CD8B2: variants seen among roughly 807,000 people sequenced by gnomAD.
The protein encoded by CD8B2 is T-cell surface glycoprotein CD8 beta-2 chain.
Under a neutral mutation model 23.7 loss-of-function variants are expected in CD8B2, and 11 were observed. That is an observed-to-expected ratio of 0.46 (90% CI 0.29 to 0.77). CD8B2 has a LOEUF of 0.77. Among genes scored for constraint, CD8B2 ranks in the 30% least tolerant of loss-of-function variants. The probability of loss-of-function intolerance (pLI) is 0.09; values close to 1 mark genes in which losing one functional copy is unlikely to be tolerated. For synonymous variants in CD8B2, 90 were observed against 109.3 expected (o/e 0.82, Z 1.10); for missense variants, 197 against 270.5 (o/e 0.73, Z 1.91).
At position 106,510,259 on chromosome 2, in the gene CD8B2, C is replaced by T. The variant is rs188267672; in HGVS notation, c.*3319C>T. On this transcript the variant is annotated 3_prime_UTR_variant, in exon 6 of 6. Coordinates refer to ENST00000643224, the MANE Select transcript of CD8B2 (RefSeq NM_001349727.2). ...TTTGAAGGTGAGCGTTTCTGCTTCT[C>T]AATCTGGGAATCACTTATATGAGTG... 11 of 152,284 alleles carry T rather than the reference C, an allele frequency of 7.2e-5. No individual in the cohort carries two copies. In the East Asian group the frequency reaches 2.1e-3, roughly 29 times the overall value. The allele number at this position is 152,284 out of a possible 1,614,324, so 9.4% of individuals were successfully genotyped here. A position where few individuals can be genotyped will look rare whatever the true frequency, so the allele number is the denominator to read the frequency against.
chr2:106,502,272 G>A, intron 3 of CD8B2, among the ~76,000 whole-genome samples: 1 of 122,392 alleles, frequency 8.2e-6, no homozygotes, highest in Admixed American at 1.0e-4. Flanking sequence ...TCCGGCCTGG[G>A]TGACAGAGCA....
At chr2:106,496,331 C>T (rs1405192234) in intron 3 of CD8B2, 69 bp downstream of exon 3, 42 of 1,336,044 alleles carry the variant, frequency 3.1e-5, no homozygotes, top group Non-Finnish European at 4.3e-5. Flanking sequence ...TCCCTCCCCT[C>T]CTTCCTTCCC....
At position 106,540,464 on chromosome 2, in the gene CD8B2, C is replaced by A. The variant is rs188271741; in HGVS notation, c.621-3528C>A. On this transcript the variant is annotated intron_variant, in intron 5 of 5. Coordinates refer to the CD8B2 transcript ENST00000416057. ...AGTACCACTCCCTCATTTAGCAAGTCGGCTTGTTGTTCTGGGTGAGCCAAG... is the reference window on the plus strand; with the variant it reads ...AGTACCACTCCCTCATTTAGCAAGTAGGCTTGTTGTTCTGGGTGAGCCAAG... Among the ~76,000 whole-genome samples, 33 of 152,164 alleles carry A rather than the reference C, an allele frequency of 2.2e-4. 1 individual carries two copies. The highest frequency in any genetic ancestry group is 4.3e-4 in the Non-Finnish European group (29 of 68,044).
At chr2:106,495,587 G>T (rs1285280910) in intron 2 of CD8B2, among the ~76,000 whole-genome samples, 2 of 151,812 alleles carry the variant, frequency 1.3e-5, no homozygotes, top group South Asian at 2.1e-4. Flanking sequence ...AGAGGTGTAG[G>T]CTCTGCTCAG....
intron 5 of CD8B2, among the ~76,000 whole-genome samples, chr2:106,522,769 G>T (rs182154988): frequency 6.6e-6 from 1 of 152,154 alleles, no homozygotes; most frequent in African/African-American, 2.4e-5. Flanking sequence ...AGCAGTTAAT[G>T]TAGAATTATG....
chr2:106,514,512 C>T (rs1466814678), downstream of CD8B2, among the ~76,000 whole-genome samples: 2 of 151,818 alleles, frequency 1.3e-5, no homozygotes, highest in Admixed American at 6.6e-5. Context: ...TGGTCTCGAA[C>T]TCCTGACCTC....
chr2:106,525,981 C>T lies in CD8B2; in HGVS notation c.621-18011C>T, dbSNP rs149971248. 3.9e-3 allele frequency among the ~76,000 whole-genome samples: 590 copies of T among 152,336 alleles called. 3 individuals carry two copies. Among genetic ancestry groups the T allele is most frequent in the African/African-American group, 0.013 (547 of 41,580 alleles). On this transcript the variant is annotated intron_variant, in intron 5 of 5. Transcript: ENST00000416057. ...ACTTGGCCCGGCGTGGTGGCTTACG[C>T]CTGTAATTCCAGGACTTTGGGAGGC...
intron 5 of CD8B2, among the ~76,000 whole-genome samples, chr2:106,530,059 T>C (rs1679970012): frequency 6.6e-6 from 1 of 152,208 alleles, no homozygotes; most frequent in Admixed American, 6.5e-5. Flanking sequence ...GAATGGGTTG[T>C]AGGAACAGAA....
intron 3 of CD8B2, among the ~76,000 whole-genome samples, chr2:106,498,025 T>G (rs1393532191): frequency 6.6e-6 from 1 of 152,192 alleles, no homozygotes; most frequent in African/African-American, 2.4e-5. Context: ...CACTAAATTC[T>G]AGAAGCAATC....
chr2:106,522,633 G>A (rs948458761), intron 5 of CD8B2, among the ~76,000 whole-genome samples: 3 of 152,158 alleles, frequency 2.0e-5, no homozygotes, highest in Admixed American at 6.5e-5. Flanking sequence ...AGGGCCCTAA[G>A]CTGAATTAGT....
chr2:106,532,306 C>T (rs1291695666), intron 5 of CD8B2, among the ~76,000 whole-genome samples: 1 of 152,188 alleles, frequency 6.6e-6, no homozygotes, highest in Non-Finnish European at 1.5e-5. Context: ...TTGTCCAGTT[C>T]TGTAAACTTC....
chr2:106,516,240 G>A lies in CD8B2; in HGVS notation c.620+11915G>A, dbSNP rs184999867. 1.1e-4 allele frequency among the ~76,000 whole-genome samples: 16 copies of A among 152,202 alleles called. 1 individual carries two copies. The East Asian group carries it at 2.9e-3, about 28-fold the overall frequency. On this transcript the variant is annotated intron_variant, in intron 5 of 5. Coordinates refer to the CD8B2 transcript ENST00000416057. ...TGCATTCCTTTCCCAGCAGCACCAGGGGGACATCCACAGTAGCTTTGCTGA... is the reference window on the plus strand; with the variant it reads ...TGCATTCCTTTCCCAGCAGCACCAGAGGGACATCCACAGTAGCTTTGCTGA...
chr2:106,520,778 G>A (rs1679812188), intron 5 of CD8B2, among the ~76,000 whole-genome samples: 1 of 152,106 alleles, frequency 6.6e-6, no homozygotes, highest in African/African-American at 2.4e-5. Context: ...GCTGAGACAG[G>A]AGAATCGCTG....
At position 106,511,062 on chromosome 2, in the gene CD8B2, C is replaced by G. The variant is rs766816498; in HGVS notation, c.*4122C>G. ...ATTACTTTTGTAGTTGGGGAAAAAG[C>G]AATTAAAAGTTTGGAAAAAAAGAAC... On this transcript the variant is annotated 3_prime_UTR_variant, in exon 6 of 6. Coordinates refer to ENST00000643224, the MANE Select transcript of CD8B2 (RefSeq NM_001349727.2). 15 of 151,814 alleles carry G rather than the reference C, an allele frequency of 9.9e-5. No homozygotes were observed. The highest frequency in any genetic ancestry group is 1.5e-4 in the Non-Finnish European group (10 of 67,976). The allele number at this position is 151,814 out of a possible 1,614,324, so 9.4% of individuals were successfully genotyped here.
rs2104562515 is a variant in CD8B2 at position 106,510,050 on chromosome 2, C to G, written c.*3110C>G. The G allele has an allele frequency of 6.6e-6, 1 of 152,268 alleles. No individual in the cohort carries two copies. Among genetic ancestry groups the G allele is most frequent in the Middle Eastern group, 3.4e-3 (1 of 294 alleles). 9.4% of individuals were successfully genotyped at this position (152,268 alleles called of 1,614,324 possible). ...ATATATGCTGATATCAAATGATGGT[C>G]ATGACAAATGCATATATTTTTAAAA... On this transcript the variant is annotated 3_prime_UTR_variant, in exon 6 of 6. Coordinates refer to ENST00000643224, the MANE Select transcript of CD8B2 (RefSeq NM_001349727.2).
Position 106,510,114 on chromosome 2 carries a change from A to G in CD8B2, c.*3174A>G, listed in dbSNP as rs1368563961. ...TATTCTTAATACAATATATGGCGCA[A>G]TACGTAGTCACTGTTAAAATTCAAG... On this transcript the variant is annotated 3_prime_UTR_variant, in exon 6 of 6. Coordinates refer to ENST00000643224, the MANE Select transcript of CD8B2 (RefSeq NM_001349727.2). 1 of 152,240 alleles carries G rather than the reference A, an allele frequency of 6.6e-6. No individual in the cohort carries two copies. Among genetic ancestry groups the G allele is most frequent in the Non-Finnish European group, 1.5e-5 (1 of 68,048 alleles). The allele number at this position is 152,240 out of a possible 1,614,324, so 9.4% of individuals were successfully genotyped here. A position where few individuals can be genotyped will look rare whatever the true frequency, so the allele number is the denominator to read the frequency against.
At chr2:106,538,265 G>A (rs1008725093) in intron 5 of CD8B2, among the ~76,000 whole-genome samples, 3 of 152,198 alleles carry the variant, frequency 2.0e-5, no homozygotes, top group Non-Finnish European at 4.4e-5. Flanking sequence ...CTCAGGGGCT[G>A]AGGAAGGTTT....
intron 5 of CD8B2, among the ~76,000 whole-genome samples, chr2:106,525,562 A>G (rs568131951): frequency 5.3e-5 from 8 of 152,292 alleles, no homozygotes; most frequent in African/African-American, 1.9e-4. Flanking sequence ...GCCATTATAG[A>G]TAGTGTTCTA....
intron 5 of CD8B2, among the ~76,000 whole-genome samples, chr2:106,540,275 G>A (rs2104577833): frequency 6.6e-6 from 1 of 152,232 alleles, no homozygotes; most frequent in Non-Finnish European, 1.5e-5. Flanking sequence ...TAGAAACTCA[G>A]CCTTTGTGAG....
Sources: gnomAD v4.1 joint callset for allele counts (sites outside exome capture counted in the v4.1 genomes callset) on GRCh38, gnomAD v4.1.1 for gene constraint, MANE v1.5 for transcripts, NCBI Gene and HGNC (gene_info 2026-07-23, HGNC 2026-07-21) for gene names.